The following MLLT3 variants were observed in gnomAD, a reference collection of about 807,000 sequenced individuals.
MLLT3 encodes MLLT3 super elongation complex subunit.
Under a neutral mutation model 53.2 loss-of-function variants are expected in MLLT3, and 4 were observed. That is an observed-to-expected ratio of 0.08 (90% CI 0.04 to 0.17). The LOEUF (loss-of-function observed/expected upper bound fraction) is 0.17. MLLT3 is among the 10% of genes least tolerant of loss of function. The pLI is 1.00. For synonymous variants in MLLT3, 283 were observed against 230.6 expected, an observed-to-expected ratio of 1.23 and a Z score of -2.06; for missense variants, 569 against 684.0, an observed-to-expected ratio of 0.83 and a Z score of 1.87.
chr9:20,466,341 C>T (rs755217535), intron 2 of MLLT3, among the ~76,000 whole-genome samples: 2 of 152,112 alleles, frequency 1.3e-5, no homozygotes, highest in African/African-American at 2.4e-5. Flanking sequence ...GAGACTTAAC[C>T]TGCACAGTGT....
intron 7 of MLLT3, among the ~76,000 whole-genome samples, chr9:20,361,858 C>A (rs1224759093): frequency 9.9e-5 from 15 of 152,058 alleles, no homozygotes; most frequent in Admixed American, 6.5e-5. Context: ...TTTTAGAAAT[C>A]AGGATAGTTT....
At chr9:20,501,267 C>T (rs997691894) in intron 2 of MLLT3, among the ~76,000 whole-genome samples, 1 of 152,170 alleles carries the variant, frequency 6.6e-6, no homozygotes, top group Non-Finnish European at 1.5e-5. Flanking sequence ...AAATTCCACA[C>T]AATAAATATT....
At chr9:20,383,211 G>C (rs1821945952) in intron 5 of MLLT3, among the ~76,000 whole-genome samples, 1 of 151,894 alleles carries the variant, frequency 6.6e-6, no homozygotes, top group Non-Finnish European at 1.5e-5. Flanking sequence ...AGATGTGTTG[G>C]TGAGGAGCAG....
intron 2 of MLLT3, among the ~76,000 whole-genome samples, chr9:20,514,964 T>G (rs78371331): frequency 1.2e-5 from 1 of 86,272 alleles, no homozygotes; most frequent in Non-Finnish European, 2.3e-5. Context: ...TTTTTTTTTT[T>G]GAGACGGAGT....
At chr9:20,567,009 C>T (rs1202100153) in intron 2 of MLLT3, among the ~76,000 whole-genome samples, 5 of 152,074 alleles carry the variant, frequency 3.3e-5, no homozygotes, top group African/African-American at 1.2e-4. Context: ...CTTAAAGGCA[C>T]CGTCCAGCAA....
At chr9:20,588,739 T>G (rs976209835) in intron 2 of MLLT3, among the ~76,000 whole-genome samples, 2 of 152,224 alleles carry the variant, frequency 1.3e-5, no homozygotes, top group African/African-American at 4.8e-5. Flanking sequence ...AAGGAGATTT[T>G]GGGCTGAGAC....
chr9:20,449,558 T>C (rs556383273), intron 3 of MLLT3, among the ~76,000 whole-genome samples: 7 of 152,314 alleles, frequency 4.6e-5, no homozygotes, highest in African/African-American at 1.7e-4. Flanking sequence ...CCTTGTTTTA[T>C]TGTTATATTA....
chr9:20,459,942 T>C (rs1824068911), intron 2 of MLLT3, among the ~76,000 whole-genome samples: 1 of 152,216 alleles, frequency 6.6e-6, no homozygotes, highest in Non-Finnish European at 1.5e-5. Flanking sequence ...TCAGTAGCCA[T>C]GTAAATAAAA....
At chr9:20,515,506 T>TG (rs1817887980) in intron 2 of MLLT3, among the ~76,000 whole-genome samples, 1 of 152,096 alleles carries the variant, frequency 6.6e-6, no homozygotes, top group South Asian at 2.1e-4. Context: ...TAGGAGAAAA[T>TG]GGGGGAGGAG....
At chr9:20,368,703 G>T (rs1000441642) in intron 5 of MLLT3, among the ~76,000 whole-genome samples, 3 of 151,980 alleles carry the variant, frequency 2.0e-5, no homozygotes, top group African/African-American at 7.3e-5. Context: ...CCACAAATAG[G>T]AACATAACAC....
intron 2 of MLLT3, among the ~76,000 whole-genome samples, chr9:20,492,733 C>T (rs1460818808): frequency 2.6e-5 from 4 of 151,854 alleles, no homozygotes; most frequent in Admixed American, 6.6e-5. Context: ...CAAAAGAATT[C>T]GCCTGAAAAC....
intron 2 of MLLT3, among the ~76,000 whole-genome samples, chr9:20,585,431 G>A (rs932874436): frequency 3.3e-5 from 5 of 152,262 alleles, no homozygotes; most frequent in Middle Eastern, 3.4e-3. Context: ...GAATTTGGTA[G>A]GGGCACAAAA....
intron 7 of MLLT3, 95 bp from the exon 8 acceptor site, chr9:20,360,936 C>T: frequency 9.4e-7 from 1 of 1,061,232 alleles, no homozygotes; most frequent in Non-Finnish European, 1.4e-6. Context: ...AATCCAAACA[C>T]TAACCCTTGA....
In MLLT3 at chr9:20,487,166, C is replaced by T. The variant is rs145083834; in HGVS notation, c.194-30380G>A. Among the ~76,000 whole-genome samples, 178 of 152,138 alleles carry T rather than the reference C, an allele frequency of 1.2e-3. 3 individuals are homozygous for T. Among genetic ancestry groups the T allele is most frequent in the Non-Finnish European group, 5.0e-4 (34 of 67,950 alleles). On this transcript the variant is annotated intron_variant, in intron 2 of 10. Coordinates refer to ENST00000380338, the MANE Select transcript of MLLT3 (RefSeq NM_004529.4). ...TCCTAAAGCTGCCGAATAAAAGTTG[C>T]GAAGCAGAGCTAGTTTAACATGAAA...
intron 2 of MLLT3, among the ~76,000 whole-genome samples, chr9:20,491,297 G>C (rs1460051104): frequency 6.6e-6 from 1 of 151,796 alleles, no homozygotes; most frequent in Non-Finnish European, 1.5e-5. Context: ...GGTATTATAT[G>C]AAGAAAAAAA....
chr9:20,545,871 A>AT lies in MLLT3; in HGVS notation c.193+74782_193+74783insA, dbSNP rs1187533659. On this transcript the variant is annotated intron_variant, in intron 2 of 10. Coordinates refer to ENST00000380338, the MANE Select transcript of MLLT3 (RefSeq NM_004529.4). ...CAGTCTCTACCAAAAAAAAAAAAAA[A>AT]AAAAAAATTAAAAATTAGCATCTCC... is the stretch of plus-strand genomic sequence containing the variant. 2.0e-5 allele frequency among the ~76,000 whole-genome samples: 3 copies of AT among 149,540 alleles called. No homozygotes were observed. The East Asian group carries it at 6.6e-4, about 33-fold the overall frequency.
intron 5 of MLLT3, among the ~76,000 whole-genome samples, chr9:20,385,717 C>T (rs1163831823): frequency 6.6e-6 from 1 of 152,034 alleles, no homozygotes; most frequent in Non-Finnish European, 1.5e-5. Context: ...CAGATAGTGC[C>T]CAATGGGGTG....
intron 4 of MLLT3, among the ~76,000 whole-genome samples, chr9:20,421,283 ATAAAT>A (rs971220332): frequency 6.6e-6 from 1 of 152,098 alleles, no homozygotes; most frequent in African/African-American, 2.4e-5. Flanking sequence ...AATAAAATAA[ATAAAT>A]TAAAGACAAA....
At chr9:20,523,367 G>A (rs983444981) in intron 2 of MLLT3, among the ~76,000 whole-genome samples, 12 of 152,096 alleles carry the variant, frequency 7.9e-5, no homozygotes, top group African/African-American at 2.9e-4. Context: ...GGAACTTCTT[G>A]GTATTTACTC....
Sources: allele counts gnomAD v4.1 joint callset (sites outside exome capture counted in the v4.1 genomes callset), GRCh38; gene constraint gnomAD v4.1.1; transcripts MANE v1.5; gene names NCBI Gene and HGNC (gene_info 2026-07-23, HGNC 2026-07-21).